Variants in RAP1A observed in about 807,000 individuals in gnomAD.
RAP1A encodes ras-related protein Rap-1A.
RAP1A carries 6 observed loss-of-function variants against 26.4 expected under a neutral mutation model. The observed-to-expected ratio is 0.23, with a 90% CI of 0.12 to 0.45. The LOEUF is 0.45. Among genes scored for constraint, RAP1A ranks in the 20% least tolerant of loss-of-function variants. The pLI is 0.99. For synonymous variants in RAP1A, 73 were observed against 79.4 expected (o/e 0.92, Z 0.43); for missense variants, 121 against 217.2 (o/e 0.56, Z 2.78).
At chr1:111,649,631 C>A in intron 1 of RAP1A, 1 of 192,482 alleles carries the variant, frequency 5.2e-6, no homozygotes, top group East Asian at 1.3e-4. Context: ...CCTAATATCC[C>A]TTTCTTCTTT....
In RAP1A at chr1:111,683,367, CA is replaced by C. The variant is rs1443113131; in HGVS notation, c.-27-7965del. The stretch of plus-strand genomic sequence containing the variant: ...GACACAAAAAAAACCTTCAAAAAAT[CA>C]ATGAATCCAGGAGCTGGTTTTTTTA... On this transcript the variant is annotated intron_variant, in intron 1 of 7. Coordinates refer to ENST00000369709, the MANE Select transcript of RAP1A (RefSeq NM_002884.4). 2.6e-5 allele frequency among the ~76,000 whole-genome samples: 4 copies of C among 152,030 alleles called. No homozygotes were observed. In the East Asian group the frequency reaches 7.7e-4, roughly 29 times the overall value.
intron 6 of RAP1A, among the ~76,000 whole-genome samples, chr1:111,704,909 T>G (rs1245745939): frequency 1.3e-5 from 2 of 152,172 alleles, no homozygotes; most frequent in Admixed American, 1.3e-4. Flanking sequence ...ACCTCACCTT[T>G]GGTGCATGAC....
chr1:111,630,953 G>A (rs1390021740), intron 1 of RAP1A, among the ~76,000 whole-genome samples: 2 of 152,272 alleles, frequency 1.3e-5, no homozygotes, highest in African/African-American at 2.4e-5. Flanking sequence ...TAGACATACA[G>A]AATCACTAAT....
intron 1 of RAP1A, among the ~76,000 whole-genome samples, chr1:111,560,149 A>G (rs760191370): frequency 3.2e-4 from 48 of 152,206 alleles, no homozygotes; most frequent in Non-Finnish European, 5.9e-4. Context: ...AAAATTGTCT[A>G]GCATTCTCTT....
At chr1:111,560,385 A>G (rs1378769499) in intron 1 of RAP1A, among the ~76,000 whole-genome samples, 3 of 151,824 alleles carry the variant, frequency 2.0e-5, no homozygotes, top group African/African-American at 4.9e-5. Flanking sequence ...GCTGATATTC[A>G]CTAAGTTCTT....
chr1:111,692,667 A>G (rs899269074), intron 2 of RAP1A, among the ~76,000 whole-genome samples: 14 of 152,212 alleles, frequency 9.2e-5, no homozygotes, highest in African/African-American at 3.4e-4. Context: ...GAATACAGCC[A>G]TTAGAATGCA....
chr1:111,624,728 A>G (rs1038646134), intron 1 of RAP1A, among the ~76,000 whole-genome samples: 3 of 152,222 alleles, frequency 2.0e-5, no homozygotes, highest in African/African-American at 7.2e-5. Flanking sequence ...ATTAAGGTAG[A>G]GTTGAAACAG....
chr1:111,580,422 A>T (rs1308529156), intron 1 of RAP1A, among the ~76,000 whole-genome samples: 1 of 152,238 alleles, frequency 6.6e-6, no homozygotes, highest in East Asian at 1.9e-4. Flanking sequence ...ACACACGTGG[A>T]TGTATAGGTT....
intron 1 of RAP1A, among the ~76,000 whole-genome samples, chr1:111,641,978 C>G (rs1371126496): frequency 6.6e-6 from 1 of 152,182 alleles, no homozygotes; most frequent in East Asian, 1.9e-4. Context: ...GGCACAGTGG[C>G]TCAAACCTAT....
At chr1:111,546,479 T>C (rs1276209032) in intron 1 of RAP1A, among the ~76,000 whole-genome samples, 1 of 152,176 alleles carries the variant, frequency 6.6e-6, no homozygotes, top group Admixed American at 6.5e-5. Context: ...TCTCTGTGAA[T>C]TGGACTACTC....
chr1:111,644,172 C>G (rs534424209), intron 1 of RAP1A, among the ~76,000 whole-genome samples: 1 of 151,804 alleles, frequency 6.6e-6, no homozygotes, highest in African/African-American at 2.4e-5. Context: ...TCCAACTAAC[C>G]GTTACATGGT....
At chr1:111,688,323 C>CTTTCT (rs1661558651) in intron 1 of RAP1A, among the ~76,000 whole-genome samples, 1 of 108,918 alleles carries the variant, frequency 9.2e-6, no homozygotes, top group Non-Finnish European at 1.8e-5. Context: ...TTCTTTCTTT[C>CTTTCT]TTTTTTTTTT....
intron 1 of RAP1A, among the ~76,000 whole-genome samples, chr1:111,569,709 C>A (rs899094482): frequency 2.3e-4 from 35 of 152,068 alleles, no homozygotes; most frequent in South Asian, 4.1e-4. Context: ...AGGAATCATT[C>A]TCTAAGATGG....
chr1:111,705,074 A>G (rs1346254197), intron 6 of RAP1A, among the ~76,000 whole-genome samples: 1 of 152,202 alleles, frequency 6.6e-6, no homozygotes, highest in Non-Finnish European at 1.5e-5. Flanking sequence ...GCTGTGGACA[A>G]GAATACTTAG....
chr1:111,594,429 G>A (rs138649323), intron 1 of RAP1A, among the ~76,000 whole-genome samples: 573 of 151,960 alleles, frequency 3.8e-3, no homozygotes, highest in African/African-American at 0.013. Context: ...GCAGTGAGCC[G>A]TGATCATGCC....
At chr1:111,572,918 G>A (rs1658077078) in intron 1 of RAP1A, among the ~76,000 whole-genome samples, 1 of 152,024 alleles carries the variant, frequency 6.6e-6, no homozygotes, top group African/African-American at 2.4e-5. Context: ...CTCTTAGGTA[G>A]GCTCCAGTGT....
chr1:111,594,050 G>A (rs763481670), intron 1 of RAP1A, among the ~76,000 whole-genome samples: 1 of 152,156 alleles, frequency 6.6e-6, no homozygotes, highest in Admixed American at 6.5e-5. Context: ...GGATTTTTAA[G>A]CCTCCAGCAA....
chr1:111,651,385 A>G (rs1222254538), intron 1 of RAP1A, among the ~76,000 whole-genome samples: 2 of 152,050 alleles, frequency 1.3e-5, no homozygotes, highest in Non-Finnish European at 1.5e-5. Context: ...CTAGTTTCAA[A>G]AAAGAAAAAT....
At chr1:111,594,644 G>A (rs543003586) in intron 1 of RAP1A, among the ~76,000 whole-genome samples, 26 of 151,728 alleles carry the variant, frequency 1.7e-4, no homozygotes, top group South Asian at 6.2e-4. Flanking sequence ...AACAAAGACC[G>A]AGACCAAAGA....
Sources: gnomAD v4.1 joint callset for allele counts (sites outside exome capture counted in the v4.1 genomes callset) on GRCh38, gnomAD v4.1.1 for gene constraint, MANE v1.5 for transcripts, NCBI Gene and HGNC (gene_info 2026-07-23, HGNC 2026-07-21) for gene names.